CCT5: variants seen among roughly 807,000 people sequenced by gnomAD.
The protein encoded by CCT5 is T-complex protein 1 subunit epsilon.
Under a neutral mutation model 55.0 loss-of-function variants are expected in CCT5, and 6 were observed. That is an observed-to-expected ratio of 0.11 (90% CI 0.06 to 0.22). The LOEUF (loss-of-function observed/expected upper bound fraction) is 0.22, where lower values mean the gene tolerates loss of function less well. Ranked by LOEUF, CCT5 falls within the 10% of genes least tolerant of loss-of-function variation. The pLI, the probability that CCT5 is intolerant of heterozygous loss-of-function variation, is 1.00. For missense variants in CCT5, 560 were observed against 694.6 expected (o/e 0.81, Z 2.18); for synonymous variants, 231 against 243.7 (o/e 0.95, Z 0.49).
In CCT5 at chr5:10,264,771, A is replaced by G; in HGVS notation, c.1614A>G (p.Glu538=). 1 of 1,609,990 alleles carries G rather than the reference A, an allele frequency of 6.2e-7. No homozygotes were observed. ...LKIDDIRKPG[E]SEE ...TTGATGACATTCGTAAGCCTGGAGA[A>G]TCTGAAGAATGAAGACATTGAGAAA... The change falls in exon 11 of 11, where the codon GAA becomes GAG. Residue 538 remains glutamate (E), a synonymous_variant. Coordinates refer to ENST00000280326, the MANE Select transcript of CCT5 (RefSeq NM_012073.5).
intron 4 of CCT5, among the ~76,000 whole-genome samples, chr5:10,256,533 T>C (rs1745689986): frequency 6.6e-6 from 1 of 152,090 alleles, no homozygotes; most frequent in African/African-American, 2.4e-5. Flanking sequence ...CAGGGCAATG[T>C]AGTGGGACCC....
intron 10 of CCT5, 28 bp downstream of exon 10, chr5:10,263,342 A>AG (rs749663296): frequency 0.034 from 1,663 of 48,422 alleles, 1 homozygote; most frequent in Non-Finnish European, 0.048. Context: ...CTCTGCGTGG[A>AG]GGGGGGGGGA....
chr5:10,250,107 CTAAG>C (rs1561040301), upstream of CCT5: 7 of 1,535,850 alleles, frequency 4.6e-6, no homozygotes, highest in African/African-American at 8.3e-5. Flanking sequence ...AAGATTTCCA[CTAAG>C]TGTCTTCAAA....
chr5:10,264,193 T>C (rs1178556750), intron 10 of CCT5, among the ~76,000 whole-genome samples: 1 of 152,102 alleles, frequency 6.6e-6, no homozygotes, highest in African/African-American at 2.4e-5. Flanking sequence ...GAGAATCGCT[T>C]GAACCCGGGA....
At chr5:10,262,417 G>C (rs1035006081) in intron 8 of CCT5, 64 bp from the exon 9 acceptor site, 1 of 1,587,030 alleles carries the variant, frequency 6.3e-7, no homozygotes, top group Non-Finnish European at 8.6e-7. Flanking sequence ...AAAGGTGCCA[G>C]ATACTTGGCT....
chr5:10,254,956 A>G, intron 3 of CCT5, 118 bp downstream of exon 3: 1 of 843,634 alleles, frequency 1.2e-6, no homozygotes, highest in Non-Finnish European at 2.0e-6. Flanking sequence ...GACAAATCCA[A>G]GTTGAAAACA....
chr5:10,262,411 G>A, intron 8 of CCT5, 70 bp from the exon 9 acceptor site: 3 of 1,545,544 alleles, frequency 1.9e-6, no homozygotes, highest in Non-Finnish European at 2.7e-6. Flanking sequence ...CTTTAAAAAG[G>A]TGCCAGATAC....
chr5:10,254,547 G>A, intron 2 of CCT5, 127 bp from the exon 3 acceptor site: 4 of 826,796 alleles, frequency 4.8e-6, no homozygotes, highest in Non-Finnish European at 8.2e-6. Context: ...CTACTATTTT[G>A]TGTATGTTGC....
In CCT5 at chr5:10,265,670, T is replaced by TA. The variant is rs946695781; in HGVS notation, c.*888dup. 7.9e-5 allele frequency: 12 copies of TA among 152,094 alleles called. No homozygotes were observed. Among genetic ancestry groups the TA allele is most frequent in the African/African-American group, 2.9e-4 (12 of 41,414 alleles). 9.4% of individuals were successfully genotyped at this position (152,094 alleles called of 1,614,324 possible). A position where few individuals can be genotyped will look rare whatever the true frequency, so the allele number is the denominator to read the frequency against. On this transcript the variant is annotated 3_prime_UTR_variant, in exon 11 of 11. Coordinates refer to ENST00000280326, the MANE Select transcript of CCT5 (RefSeq NM_012073.5). ...ATACACTTTCTTACTGCTCACATCT[T>TA]ACAGGTGAGTACTCATAATTGGCCA... is the stretch of plus-strand genomic sequence containing the variant.
intron 10 of CCT5, 122 bp downstream of exon 10, chr5:10,263,436 GT>G: frequency 1.1e-6 from 1 of 885,810 alleles, no homozygotes; most frequent in Non-Finnish European, 1.8e-6. Flanking sequence ...CACTTCAGGT[GT>G]TCAAGTCCTG....
At position 10,262,718 on chromosome 5, in the gene CCT5, C is replaced by T. The variant is rs907515036; in HGVS notation, c.1317+100C>T. 24 of 1,298,802 alleles carry T rather than the reference C, an allele frequency of 1.8e-5. No individual in the cohort carries two copies. The South Asian group carries it at 1.9e-4, about 10-fold the overall frequency. The allele number at this position is 1,298,802 out of a possible 1,614,324, so 80.5% of individuals were successfully genotyped here. The stretch of plus-strand genomic sequence containing the variant: ...GAGGTGCTGGATGCAAAACAAGCAT[C>T]GTGAGCTGTGTGTAGGTGACAGGTG... On this transcript the variant is annotated intron_variant, in intron 9 of 10. Coordinates refer to ENST00000280326, the MANE Select transcript of CCT5 (RefSeq NM_012073.5).
At chr5:10,258,765 T>C (rs1745806571) in intron 6 of CCT5, among the ~76,000 whole-genome samples, 1 of 152,196 alleles carries the variant, frequency 6.6e-6, no homozygotes, top group South Asian at 2.1e-4. Flanking sequence ...TTTGGGAGGC[T>C]AAGGCAGGCA....
chr5:10,254,592 C>T, intron 2 of CCT5, 82 bp from the exon 3 acceptor site: 1 of 1,174,884 alleles, frequency 8.5e-7, no homozygotes, highest in Non-Finnish European at 1.3e-6. Flanking sequence ...CAGATAAGAG[C>T]TGGGTCAGGA....
At chr5:10,255,922 G>T (rs374598876) in intron 3 of CCT5, 33 bp from the exon 4 acceptor site, 70 of 1,600,640 alleles carry the variant, frequency 4.4e-5, no homozygotes, top group Non-Finnish European at 5.6e-5. Flanking sequence ...TTTGTTGTTT[G>T]CCTGAACTGA....
chr5:10,255,143 G>A (rs1053881982), intron 3 of CCT5: 77 of 395,862 alleles, frequency 1.9e-4, no homozygotes, highest in African/African-American at 1.5e-3. Flanking sequence ...TTTGGATCAT[G>A]TACTGCAATG....
intron 8 of CCT5, 128 bp downstream of exon 8, chr5:10,261,873 G>C (rs182779563): frequency 8.8e-6 from 7 of 793,466 alleles, no homozygotes; most frequent in Non-Finnish European, 1.6e-5. Flanking sequence ...AAACAATGAC[G>C]TATCATGGTG....
In CCT5 at chr5:10,254,661, C is replaced by G. The variant is rs774789144; in HGVS notation, c.167-13C>G. The G allele has an allele frequency of 1.9e-6, 3 of 1,613,494 alleles. No individual in the cohort carries two copies. Among genetic ancestry groups the G allele is most frequent in the Non-Finnish European group, 2.5e-6 (3 of 1,179,604 alleles). On this transcript the variant is annotated splice_polypyrimidine_tract_variant and intron_variant, in intron 2 of 10. Transcript: ENST00000280326. ...AGTTTTTTGCGCAAAGCCTACTAAACGTTGTTTTTTAGGGCTTGATAAGAT... is the reference window on the plus strand; with the variant it reads ...AGTTTTTTGCGCAAAGCCTACTAAAGGTTGTTTTTTAGGGCTTGATAAGAT...
Position 10,261,612 on chromosome 5 carries a change from C to G in CCT5, c.1046C>G (p.Thr349Arg). The G allele has an allele frequency of 6.2e-7, 1 of 1,614,200 alleles. No homozygotes were observed. The highest frequency in any genetic ancestry group is 8.5e-7 in the Non-Finnish European group (1 of 1,180,028). Residue 349 changes from threonine (T) to arginine (R), a missense_variant, in exon 8 of 11, where the codon ACA (threonine) becomes AGA (arginine). Around this residue, in one of 4 missense-constraint regions of CCT5, gnomAD observed 256 missense variants for 372.4 expected, o/e 0.69. Transcript: ENST00000280326. ...GRIVPRFSEL[T>R]AEKLGFAGLV... Reference sequence around the variant, plus strand: ...ATCGTCCCCAGGTTCTCAGAGCTCACAGCCGAGAAGCTGGGCTTTGCTGGT... The same window carrying G: ...ATCGTCCCCAGGTTCTCAGAGCTCAGAGCCGAGAAGCTGGGCTTTGCTGGT...
chr5:10,254,988 C>CT lies in CCT5; in HGVS notation c.331+153dup. ...AACATGCTACAAAACAAATGTCGGA[C>CT]TTTCAAAACTGACAGTGTTACAAAA... On this transcript the variant is annotated intron_variant, in intron 3 of 10. Transcript: ENST00000280326. The CT allele has an allele frequency of 4.8e-6, 3 of 631,082 alleles. No homozygotes were observed. The South Asian group carries it at 5.2e-5, about 11-fold the overall frequency. The allele number at this position is 631,082 out of a possible 1,614,324, so 39.1% of individuals were successfully genotyped here.
Sources: gnomAD v4.1 joint callset for allele counts (sites outside exome capture counted in the v4.1 genomes callset) on GRCh38, gnomAD v4.1.1 for gene constraint, gnomAD v4.1.1 regional missense constraint, MANE v1.5 for transcripts, NCBI Gene and HGNC (gene_info 2026-07-23, HGNC 2026-07-21) for gene names.